Variants in DHX15 observed in about 807,000 individuals in gnomAD.
DHX15 encodes the protein DEAH-box helicase 15.
A neutral mutation model predicts 94.4 loss-of-function variants in DHX15; 11 were observed. The observed-to-expected ratio is 0.12, with a 90% CI of 0.07 to 0.19. The LOEUF (loss-of-function observed/expected upper bound fraction) is 0.19. Among genes scored for constraint, DHX15 ranks in the 10% least tolerant of loss-of-function variants. The pLI is 1.00. For missense variants in DHX15, 304 were observed against 988.5 expected (o/e 0.31, Z 9.29); for synonymous variants, 338 against 329.9 (o/e 1.02, Z -0.27).
chr4:24,532,127 CAA>C (rs1721097100), intron 12 of DHX15, among the ~76,000 whole-genome samples: 1 of 152,196 alleles, frequency 6.6e-6, no homozygotes, highest in Non-Finnish European at 1.5e-5. Flanking sequence ...GCATTTTTCT[CAA>C]AGTTTCTCTT....
chr4:24,553,101 T>A (rs918731474), intron 5 of DHX15, among the ~76,000 whole-genome samples: 8 of 151,996 alleles, frequency 5.3e-5, no homozygotes, highest in African/African-American at 1.7e-4. Flanking sequence ...GGCGGGTGGA[T>A]CACCTGAAGT....
At chr4:24,531,352 T>G (rs1243308108) in intron 12 of DHX15, among the ~76,000 whole-genome samples, 3 of 151,980 alleles carry the variant, frequency 2.0e-5, no homozygotes, top group African/African-American at 7.2e-5. Context: ...CCTCCCAAAG[T>G]GCTGGGATTA....
chr4:24,539,632 T>A (rs1560762510), intron 10 of DHX15: 1 of 152,230 alleles, frequency 6.6e-6, no homozygotes, highest in Non-Finnish European at 1.5e-5. Context: ...ATTTACTTGA[T>A]ATGAAGTTTG....
Position 24,576,696 on chromosome 4 carries a change from G to C in DHX15, c.72-18C>G, listed in dbSNP as rs1328866498. ...GATCCTTCCTAAAAACAAAAATTTA[G>C]AATTCAGATTCTGAATTTTATGCAG... On this transcript the variant is annotated intron_variant, in intron 1 of 13. Coordinates refer to ENST00000336812, the MANE Select transcript of DHX15 (RefSeq NM_001358.3). 3 of 1,606,362 alleles carry C rather than the reference G, an allele frequency of 1.9e-6. No individual in the cohort carries two copies. Among genetic ancestry groups the C allele is most frequent in the Non-Finnish European group, 1.7e-6 (2 of 1,174,722 alleles).
intron 5 of DHX15, among the ~76,000 whole-genome samples, chr4:24,553,603 G>A (rs573196262): frequency 6.6e-5 from 10 of 151,418 alleles, no homozygotes; most frequent in African/African-American, 2.2e-4. Context: ...GTGAAACCCC[G>A]TCTCTACTAA....
In DHX15 at chr4:24,582,656, C is replaced by CAG. The variant is rs1314978334; in HGVS notation, c.71+1666_71+1667insCT. On this transcript the variant is annotated intron_variant, in intron 1 of 13. Coordinates refer to ENST00000336812, the MANE Select transcript of DHX15 (RefSeq NM_001358.3). ...AATGACTCTTAACTACAGTACTGAA[C>CAG]TGTGTGCTGCTGAGTGAAAATGACA... Among the ~76,000 whole-genome samples, 11 of 152,312 alleles carry CAG rather than the reference C, an allele frequency of 7.2e-5. No individual in the cohort carries two copies. The East Asian group carries it at 2.1e-3, about 29-fold the overall frequency.
rs1298662429 is a variant in DHX15, at chr4:24,584,308, C to T, written c.71+15G>A. On this transcript the variant is annotated intron_variant, in intron 1 of 13. Coordinates refer to ENST00000336812, the MANE Select transcript of DHX15 (RefSeq NM_001358.3). ...AAAGCCCGAGCTGCCGCCTCGCGCC[C>T]CCGGCCTGGCTTACCCATCGGTCCC... 2 of 1,609,006 alleles carry T rather than the reference C, an allele frequency of 1.2e-6. No individual in the cohort carries two copies. The highest frequency in any genetic ancestry group is 1.1e-5 in the South Asian group (1 of 90,286).
intron 1 of DHX15, among the ~76,000 whole-genome samples, chr4:24,578,571 C>T (rs1560777287): frequency 1.3e-5 from 2 of 151,842 alleles, no homozygotes; most frequent in African/African-American, 4.8e-5. Context: ...AAACAACTTC[C>T]TTTTTTTTGA....
At chr4:24,568,689 C>T (rs12331101) in intron 3 of DHX15, among the ~76,000 whole-genome samples, 51,801 of 151,996 alleles carry the variant, frequency 0.34, 9,262 homozygotes, top group Non-Finnish European at 0.4. Flanking sequence ...CTGTGGCTTA[C>T]CAAAAAAATT....
At position 24,537,492 on chromosome 4, in the gene DHX15, C is replaced by T. The variant is rs1294300700; in HGVS notation, c.1787-319G>A. On this transcript the variant is annotated intron_variant, in intron 10 of 13. Transcript: ENST00000336812. The surrounding 1 kb of genome is among the most constrained non-coding windows in gnomAD (Gnocchi z 4.7). The stretch of plus-strand genomic sequence containing the variant: ...TATTTAAAAAAACCAGTGCTGATAG[C>T]TCTACCAATAACCAGAATAACGGTG... 5.1e-6 allele frequency: 1 copy of T among 195,884 alleles called. No homozygotes were observed. The highest frequency in any genetic ancestry group is 1.0e-5 in the Non-Finnish European group (1 of 95,870). The allele number at this position is 195,884 out of a possible 1,614,324, so 12.1% of individuals were successfully genotyped here.
Position 24,555,792 on chromosome 4 carries a change from GAAGT to G in DHX15, c.861+455_861+458del, listed in dbSNP as rs1219488251. Reference sequence around the variant, plus strand: ...CAAGGTACATGTGGTATGGAGGAAAGAAGTAATACACGAGGGTAAGTGACTACAT... The same window carrying G: ...CAAGGTACATGTGGTATGGAGGAAAGAATACACGAGGGTAAGTGACTACAT... On this transcript the variant is annotated intron_variant, in intron 4 of 13. Coordinates refer to ENST00000336812, the MANE Select transcript of DHX15 (RefSeq NM_001358.3). Among the ~76,000 whole-genome samples the G allele has an allele frequency of 3.3e-5, 5 of 152,310 alleles. No homozygotes were observed. In the East Asian group the frequency reaches 5.8e-4, roughly 18 times the overall value.
At chr4:24,560,877 T>C (rs984065074) in intron 3 of DHX15, among the ~76,000 whole-genome samples, 2 of 152,052 alleles carry the variant, frequency 1.3e-5, no homozygotes, top group African/African-American at 4.8e-5. Context: ...ATTAAAACCA[T>C]AAAGTAATCC....
rs1721254390 is a variant in DHX15, at chr4:24,539,008, C to T, written c.1786+1100G>A. ...TAAAACAACATATAAGAAAGGCAGA[C>T]AACAACCTACCACCACCTCCGCAAA... is the stretch of plus-strand genomic sequence containing the variant. On this transcript the variant is annotated intron_variant, in intron 10 of 13. Coordinates refer to ENST00000336812, the MANE Select transcript of DHX15 (RefSeq NM_001358.3). 4 of 152,196 alleles carry T rather than the reference C, an allele frequency of 2.6e-5. No individual in the cohort carries two copies. In the South Asian group the frequency reaches 8.3e-4, roughly 32 times the overall value. 9.4% of individuals were successfully genotyped at this position (152,196 alleles called of 1,614,324 possible).
At chr4:24,539,847 G>A (rs1721273421) in intron 10 of DHX15, 2 of 269,782 alleles carry the variant, frequency 7.4e-6, no homozygotes, top group Admixed American at 1.1e-4. Flanking sequence ...AGTTACAACT[G>A]TGCTCAAACT....
At chr4:24,542,908 T>C (rs1721346254) in intron 7 of DHX15, 32 bp downstream of exon 7, 1 of 1,523,524 alleles carries the variant, frequency 6.6e-7, no homozygotes, top group East Asian at 2.3e-5. Flanking sequence ...TTAAACCAAC[T>C]CTAATTTATA....
chr4:24,547,163 T>A (rs1721443270), intron 6 of DHX15, among the ~76,000 whole-genome samples: 1 of 152,180 alleles, frequency 6.6e-6, no homozygotes, highest in South Asian at 2.1e-4. Context: ...ACCTCTAAGA[T>A]GAAATTGACT....
At chr4:24,548,706 G>T in intron 6 of DHX15, 149 bp downstream of exon 6, 1 of 708,642 alleles carries the variant, frequency 1.4e-6, no homozygotes, top group Non-Finnish European at 2.2e-6. Context: ...AGGGTCAAGA[G>T]ATATGCGGAA....
chr4:24,575,579 T>A (rs1722239335), intron 2 of DHX15, among the ~76,000 whole-genome samples: 1 of 152,322 alleles, frequency 6.6e-6, no homozygotes, highest in African/African-American at 2.4e-5. Context: ...GGTAAATTGA[T>A]ACGCTCCCTC....
intron 1 of DHX15, among the ~76,000 whole-genome samples, chr4:24,582,363 A>C (rs1722434610): frequency 1.3e-5 from 2 of 152,338 alleles, no homozygotes; most frequent in Non-Finnish European, 1.5e-5. Flanking sequence ...CCTTTTTACT[A>C]AGGATATCTG....
Sources: gnomAD v4.1 joint callset for allele counts (sites outside exome capture counted in the v4.1 genomes callset) on GRCh38, gnomAD v4.1.1 for gene constraint, Gnocchi (gnomAD v3.1) non-coding constraint, MANE v1.5 for transcripts, NCBI Gene and HGNC (gene_info 2026-07-23, HGNC 2026-07-21) for gene names.